The following AFG1L variants were observed in gnomAD, a reference collection of about 807,000 sequenced individuals.
AFG1L encodes the protein AFG1 like ATPase.
In AFG1L, 53 loss-of-function variants were observed where a neutral mutation model predicts 62.2. The observed-to-expected ratio is 0.85, with a 90% CI of 0.68 to 1.07. AFG1L has a LOEUF of 1.07. Among genes scored for constraint, AFG1L ranks in the 50% least tolerant of loss-of-function variants. The probability of loss-of-function intolerance (pLI) is 0.00; values close to 1 mark genes in which losing one functional copy is unlikely to be tolerated. For missense variants in AFG1L, 555 were observed against 590.5 expected (o/e 0.94, Z 0.62); for synonymous variants, 228 against 210.3 (o/e 1.08, Z -0.73).
intron 6 of AFG1L, among the ~76,000 whole-genome samples, chr6:108,379,709 C>T (rs1356348773): frequency 6.6e-6 from 1 of 152,242 alleles, no homozygotes; most frequent in Non-Finnish European, 1.5e-5. Flanking sequence ...TCCAAATTCT[C>T]TGCATGAGGA....
intron 6 of AFG1L, among the ~76,000 whole-genome samples, chr6:108,370,269 GC>G (rs1233209583): frequency 4.6e-5 from 7 of 152,054 alleles, no homozygotes; most frequent in Non-Finnish European, 8.8e-5. Context: ...TATCCTTCTG[GC>G]TGTAGTTTGG....
intron 2 of AFG1L, among the ~76,000 whole-genome samples, chr6:108,325,914 T>C (rs1235618118): frequency 1.3e-5 from 2 of 152,112 alleles, no homozygotes; most frequent in Non-Finnish European, 2.9e-5. Context: ...ATAGCTGGGA[T>C]TACAGGCACC....
intron 6 of AFG1L, among the ~76,000 whole-genome samples, chr6:108,400,701 T>A (rs1261295696): frequency 1.9e-5 from 1 of 52,284 alleles, no homozygotes; most frequent in South Asian, 4.4e-4. Flanking sequence ...ATATATATAT[T>A]ATTATATATA....
At chr6:108,321,994 T>C (rs1353857555) in intron 1 of AFG1L, among the ~76,000 whole-genome samples, 1 of 152,164 alleles carries the variant, frequency 6.6e-6, no homozygotes, top group Non-Finnish European at 1.5e-5. Context: ...GCCGTCCTCC[T>C]ACCTCAGCCT....
At chr6:108,298,192 G>A (rs1053452577) in intron 1 of AFG1L, among the ~76,000 whole-genome samples, 1 of 151,414 alleles carries the variant, frequency 6.6e-6, no homozygotes, top group Non-Finnish European at 1.5e-5. Context: ...ATTGTACCAT[G>A]ATCTAAGCCT....
chr6:108,368,025 A>C (rs750382395), intron 6 of AFG1L, among the ~76,000 whole-genome samples: 1 of 152,172 alleles, frequency 6.6e-6, no homozygotes, highest in Non-Finnish European at 1.5e-5. Context: ...AGATCTTACT[A>C]TGTAGCCTGC....
At chr6:108,519,565 A>C (rs907403690) in intron 11 of AFG1L, 132 bp from the exon 12 acceptor site, 1 of 586,712 alleles carries the variant, frequency 1.7e-6, no homozygotes, top group African/African-American at 1.9e-5. Flanking sequence ...TAGGGAAAAA[A>C]AATGGACGTC....
At chr6:108,498,020 T>C (rs377575247) in intron 10 of AFG1L, among the ~76,000 whole-genome samples, 1 of 152,298 alleles carries the variant, frequency 6.6e-6, no homozygotes, top group South Asian at 2.1e-4. Flanking sequence ...TGGGCTAGGC[T>C]CTTCTCATCT....
At chr6:108,311,020 C>A (rs961732358) in intron 1 of AFG1L, among the ~76,000 whole-genome samples, 7 of 152,162 alleles carry the variant, frequency 4.6e-5, no homozygotes, top group Admixed American at 4.6e-4. Flanking sequence ...CAGTATCCTT[C>A]TTTTTGGCTT....
At chr6:108,374,408 C>T (rs1780150121) in intron 6 of AFG1L, among the ~76,000 whole-genome samples, 1 of 152,028 alleles carries the variant, frequency 6.6e-6, no homozygotes, top group Non-Finnish European at 1.5e-5. Flanking sequence ...TAAATTGTTT[C>T]CCAAGACTGA....
At chr6:108,301,928 A>C (rs1777016497) in intron 1 of AFG1L, among the ~76,000 whole-genome samples, 1 of 152,096 alleles carries the variant, frequency 6.6e-6, no homozygotes, top group African/African-American at 2.4e-5. Flanking sequence ...AAACCTTAAA[A>C]ACAACAGATG....
intron 7 of AFG1L, among the ~76,000 whole-genome samples, chr6:108,435,659 G>A (rs1323664978): frequency 2.0e-5 from 3 of 152,176 alleles, no homozygotes; most frequent in Admixed American, 6.5e-5. Flanking sequence ...GGCACTCAGG[G>A]TGTGGGTAAT....
chr6:108,504,580 C>G (rs1446725768), intron 10 of AFG1L, among the ~76,000 whole-genome samples: 1 of 152,106 alleles, frequency 6.6e-6, no homozygotes, highest in Non-Finnish European at 1.5e-5. Flanking sequence ...CATATTGTGG[C>G]AGTTAACAAA....
At chr6:108,295,313 C>T in intron 1 of AFG1L, 95 bp downstream of exon 1, 1 of 1,408,980 alleles carries the variant, frequency 7.1e-7, no homozygotes, top group Non-Finnish European at 9.5e-7. Flanking sequence ...CCAGGTGTCT[C>T]CTGCTTTCAC....
At chr6:108,516,823 T>A (rs1774915452) in intron 11 of AFG1L, among the ~76,000 whole-genome samples, 1 of 152,128 alleles carries the variant, frequency 6.6e-6, no homozygotes, top group African/African-American at 2.4e-5. Flanking sequence ...ACAAAATCAA[T>A]GTGCAAAAAT....
chr6:108,413,393 A>G (rs1395857138), intron 7 of AFG1L, among the ~76,000 whole-genome samples: 1 of 152,222 alleles, frequency 6.6e-6, no homozygotes, highest in Non-Finnish European at 1.5e-5. Context: ...CCAGGAACTG[A>G]ACTCAGCTCT....
At chr6:108,331,240 C>T (rs1582386792) in intron 2 of AFG1L, among the ~76,000 whole-genome samples, 1 of 152,234 alleles carries the variant, frequency 6.6e-6, no homozygotes, top group East Asian at 1.9e-4. Context: ...AAGCCGAGAT[C>T]GTGCCACTGC....
intron 6 of AFG1L, among the ~76,000 whole-genome samples, chr6:108,397,283 A>G (rs1165522878): frequency 1.3e-5 from 2 of 152,162 alleles, no homozygotes; most frequent in Non-Finnish European, 2.9e-5. Flanking sequence ...GTGTGCCACC[A>G]CACCTGGCTG....
intron 8 of AFG1L, among the ~76,000 whole-genome samples, chr6:108,476,453 G>T (rs1773107877): frequency 6.6e-6 from 1 of 152,138 alleles, no homozygotes; most frequent in South Asian, 2.1e-4. Context: ...TTAAAATGCA[G>T]CTTCAATATT....
Sources: allele counts gnomAD v4.1 joint callset (sites outside exome capture counted in the v4.1 genomes callset), GRCh38; gene constraint gnomAD v4.1.1; transcripts MANE v1.5; gene names NCBI Gene and HGNC (gene_info 2026-07-23, HGNC 2026-07-21).